The following CEP152 variants were observed in gnomAD, a reference collection of about 807,000 sequenced individuals.
CEP152 encodes the protein centrosomal protein of 152 kDa.
Under a neutral mutation model 188.9 loss-of-function variants are expected in CEP152, and 132 were observed. That is an observed-to-expected ratio of 0.70 (90% CI 0.61 to 0.81). The LOEUF (loss-of-function observed/expected upper bound fraction) is 0.81, where lower values mean the gene tolerates loss of function less well. CEP152 is among the 30% of genes least tolerant of loss of function. The pLI, the probability that CEP152 is intolerant of heterozygous loss-of-function variation, is 0.00. For missense variants in CEP152, 1,914 were observed against 1,969.8 expected (o/e 0.97, Z 0.54); for synonymous variants, 649 against 666.6 (o/e 0.97, Z 0.41).
chr15:48,786,483 C>T (rs1012894178), intron 9 of CEP152, among the ~76,000 whole-genome samples: 5 of 152,186 alleles, frequency 3.3e-5, no homozygotes, highest in African/African-American at 1.2e-4. Flanking sequence ...TTTTACAATC[C>T]ATAAATTTCT....
At chr15:48,803,146 T>C (rs1347806820) in intron 2 of CEP152, among the ~76,000 whole-genome samples, 9 of 152,278 alleles carry the variant, frequency 5.9e-5, no homozygotes, top group Non-Finnish European at 2.9e-5. Context: ...ATTCACTAAG[T>C]AGAGAAAGCA....
chr15:48,739,431 T>C, intron 26 of CEP152, 143 bp from the exon 27 acceptor site: 1 of 1,271,624 alleles, frequency 7.9e-7, no homozygotes, highest in East Asian at 2.7e-5. Flanking sequence ...GCTTATATAC[T>C]GTAATAATTC....
At position 48,797,747 on chromosome 15, in the gene CEP152, A is replaced by G. The variant is rs1199417664; in HGVS notation, c.192-17T>C. The G allele has an allele frequency of 5.0e-6, 8 of 1,613,024 alleles. No homozygotes were observed. Among genetic ancestry groups the G allele is most frequent in the Non-Finnish European group, 6.8e-6 (8 of 1,179,300 alleles). On this transcript the variant is annotated splice_polypyrimidine_tract_variant and intron_variant, in intron 3 of 26. Transcript: ENST00000380950. Reference sequence around the variant, plus strand: ...TGATGTGGTCTCGAGAAAAAGGAATACTTTCGATTTAAAGCGTATCATTTA... The same window carrying G: ...TGATGTGGTCTCGAGAAAAAGGAATGCTTTCGATTTAAAGCGTATCATTTA...
intron 1 of CEP152, among the ~76,000 whole-genome samples, chr15:48,806,241 C>T (rs142686662): frequency 2.6e-5 from 4 of 150,954 alleles, no homozygotes; most frequent in Non-Finnish European, 4.5e-5. Context: ...GCAATATACT[C>T]GGGAAAAACA....
intron 26 of CEP152, chr15:48,741,397 G>A (rs968214486): frequency 7.1e-7 from 1 of 1,409,700 alleles, no homozygotes; most frequent in Non-Finnish European, 9.2e-7. Flanking sequence ...AGCAGCAATA[G>A]GAAACTGATG....
chr15:48,776,849 T>A (rs1895946588), intron 12 of CEP152, among the ~76,000 whole-genome samples: 1 of 152,108 alleles, frequency 6.6e-6, no homozygotes, highest in East Asian at 1.9e-4. Flanking sequence ...TCTATTTTCT[T>A]CTTTTTTAGT....
intron 12 of CEP152, among the ~76,000 whole-genome samples, chr15:48,775,033 A>C (rs1452510918): frequency 1.3e-5 from 2 of 152,086 alleles, no homozygotes; most frequent in Non-Finnish European, 2.9e-5. Flanking sequence ...AGATAGGCTC[A>C]ATAGAGTATA....
chr15:48,772,783 T>C, intron 12 of CEP152, 92 bp from the exon 13 acceptor site: 2 of 1,037,978 alleles, frequency 1.9e-6, no homozygotes, highest in South Asian at 2.6e-5. Context: ...GGTGAACATG[T>C]TTTGTCACCT....
At chr15:48,793,484 T>G in intron 6 of CEP152, 23 bp from the exon 7 acceptor site, 1 of 1,601,496 alleles carries the variant, frequency 6.2e-7, no homozygotes, top group South Asian at 1.1e-5. Context: ...GACAATTTAT[T>G]AGATAAAAAC....
intron 11 of CEP152, among the ~76,000 whole-genome samples, chr15:48,781,775 T>TC (rs1228019224): frequency 6.6e-6 from 1 of 152,066 alleles, no homozygotes; most frequent in African/African-American, 2.4e-5. Context: ...CATATTTTCC[T>TC]CCCCCTCCAG....
chr15:48,772,283 C>T (rs565605613), intron 13 of CEP152, among the ~76,000 whole-genome samples: 40 of 151,994 alleles, frequency 2.6e-4, no homozygotes, highest in African/African-American at 9.4e-4. Flanking sequence ...TAGTGGCGTG[C>T]GCCTGTGGTC....
intron 15 of CEP152, among the ~76,000 whole-genome samples, chr15:48,767,775 T>G (rs1417958320): frequency 6.6e-6 from 1 of 152,184 alleles, no homozygotes; most frequent in African/African-American, 2.4e-5. Context: ...TGGCAATAAT[T>G]GAGGGTGTGG....
chr15:48,768,289 G>C lies in CEP152; in HGVS notation c.1948C>G (p.Gln650Glu). ...ETEGKLRNTN[Q>E]DLCNQMRQMV... is the part of the protein sequence containing the mutation. ...TGTCTCATTTGATTACATAAGTCTT[G>C]ATTTGTATTTCTCAGTTTTCCTTCA... Residue 650 changes from glutamine to glutamate, a missense_variant, in exon 15 of 27, where the codon CAA becomes GAA. Coordinates refer to ENST00000380950, the MANE Select transcript of CEP152 (RefSeq NM_001194998.2). 6.2e-7 allele frequency: 1 copy of C among 1,610,732 alleles called. No individual in the cohort carries two copies. The highest frequency in any genetic ancestry group is 2.2e-5 in the East Asian group (1 of 44,824).
intron 2 of CEP152, among the ~76,000 whole-genome samples, chr15:48,801,222 C>T (rs768964811): frequency 7.2e-5 from 11 of 152,134 alleles, no homozygotes; most frequent in South Asian, 2.1e-4. Context: ...CATGGATACA[C>T]GCTAAATGTA....
intron 18 of CEP152, 97 bp downstream of exon 18, chr15:48,762,294 T>C: frequency 8.5e-7 from 1 of 1,179,272 alleles, no homozygotes; most frequent in Non-Finnish European, 1.3e-6. Flanking sequence ...ATCTTAAAAG[T>C]ATAAAGTTAT....
At chr15:48,757,281 C>T (rs1488225560) in intron 19 of CEP152, among the ~76,000 whole-genome samples, 1 of 152,162 alleles carries the variant, frequency 6.6e-6, no homozygotes. Flanking sequence ...AGGCCCATTC[C>T]TCAACTTCTT....
At chr15:48,776,852 T>C (rs1253028483) in intron 12 of CEP152, among the ~76,000 whole-genome samples, 2 of 152,240 alleles carry the variant, frequency 1.3e-5, no homozygotes. Flanking sequence ...ATTTTCTTCT[T>C]TTTTAGTCTG....
chr15:48,756,598 C>T (rs766172077), intron 19 of CEP152, 45 bp from the exon 20 acceptor site: 2 of 1,573,908 alleles, frequency 1.3e-6, no homozygotes, highest in South Asian at 2.3e-5. Flanking sequence ...TTATGATTCT[C>T]CTCCTTCGCA....
intron 13 of CEP152, among the ~76,000 whole-genome samples, chr15:48,769,682 A>C (rs1396110292): frequency 6.6e-6 from 1 of 152,234 alleles, no homozygotes; most frequent in East Asian, 1.9e-4. Context: ...ACTTTGAGAC[A>C]ATACAAATAT....
Sources: allele counts gnomAD v4.1 joint callset (sites outside exome capture counted in the v4.1 genomes callset), GRCh38; gene constraint gnomAD v4.1.1; transcripts MANE v1.5; gene names NCBI Gene and HGNC (gene_info 2026-07-23, HGNC 2026-07-21).